Variants in PCSK5 observed in about 807,000 individuals in gnomAD.
PCSK5 encodes the protein prohormone convertase 5.
In PCSK5, 129 loss-of-function variants were observed where a neutral mutation model predicts 233.2. The ratio of observed to expected loss-of-function variants is 0.55; its 90% CI spans 0.48 to 0.64. The LOEUF (loss-of-function observed/expected upper bound fraction) is 0.64. PCSK5 is among the 30% of genes least tolerant of loss of function. The pLI, the probability that PCSK5 is intolerant of heterozygous loss-of-function variation, is 0.00. For missense variants in PCSK5, 2,076 were observed against 2,430.1 expected (o/e 0.85, Z 3.06); for synonymous variants, 825 against 879.2 (o/e 0.94, Z 1.09).
chr9:76,080,967 T>TA (rs1357341752), intron 7 of PCSK5, among the ~76,000 whole-genome samples: 1 of 152,206 alleles, frequency 6.6e-6, no homozygotes, highest in Non-Finnish European at 1.5e-5. Flanking sequence ...AAGGTCATTA[T>TA]ATAATCTTGA....
At chr9:76,018,603 C>T (rs1828052129) in intron 3 of PCSK5, among the ~76,000 whole-genome samples, 1 of 152,158 alleles carries the variant, frequency 6.6e-6, no homozygotes, top group Non-Finnish European at 1.5e-5. Context: ...GAAAAATTGT[C>T]TTCCACAAAA....
chr9:75,990,014 G>C (rs1054631077), intron 3 of PCSK5, among the ~76,000 whole-genome samples: 4 of 152,150 alleles, frequency 2.6e-5, no homozygotes, highest in Non-Finnish European at 4.4e-5. Flanking sequence ...CATAATTGTT[G>C]TTATTCTCTG....
chr9:76,096,190 T>TACAC (rs3074177), intron 8 of PCSK5, 88 bp downstream of exon 8: 69,583 of 588,348 alleles, frequency 0.12, 2,297 homozygotes, highest in East Asian at 0.33. Context: ...TATATATATA[T>TACAC]ACACACACAC....
At chr9:76,184,789 C>A in intron 17 of PCSK5, 32 bp downstream of exon 17, 2 of 1,256,866 alleles carry the variant, frequency 1.6e-6, no homozygotes, top group Non-Finnish European at 2.3e-6. Context: ...TCAAGTAACA[C>A]AGCCCAAAGA....
chr9:76,045,967 T>C (rs1281235242), intron 5 of PCSK5, among the ~76,000 whole-genome samples: 1 of 152,140 alleles, frequency 6.6e-6, no homozygotes, highest in Non-Finnish European at 1.5e-5. Context: ...TTATTGTTCA[T>C]AACTACTACA....
At chr9:76,055,380 CTA>C (rs1411067913) in intron 5 of PCSK5, among the ~76,000 whole-genome samples, 5 of 152,046 alleles carry the variant, frequency 3.3e-5, no homozygotes, top group Non-Finnish European at 5.9e-5. Context: ...CACAAATAGA[CTA>C]TATGATTTCT....
chr9:75,948,318 A>ACC (rs1824677830), intron 2 of PCSK5, among the ~76,000 whole-genome samples: 1 of 26,248 alleles, frequency 3.8e-5, no homozygotes, highest in Non-Finnish European at 8.0e-5. Context: ...TCGCCCCCCC[A>ACC]CCCCCCGAAA....
chr9:76,278,683 G>GTCTA (rs56801047), intron 24 of PCSK5, among the ~76,000 whole-genome samples: 8 of 151,768 alleles, frequency 5.3e-5, no homozygotes, highest in Admixed American at 2.0e-4. Flanking sequence ...ATCTCTATCT[G>GTCTA]TCTATCTATC....
chr9:76,081,112 A>T (rs1221285218), intron 7 of PCSK5, among the ~76,000 whole-genome samples: 1 of 152,172 alleles, frequency 6.6e-6, no homozygotes, highest in Non-Finnish European at 1.5e-5. Flanking sequence ...TTTATTGTCA[A>T]GTATACTTAA....
At chr9:76,297,921 A>G (rs1254803870) in intron 27 of PCSK5, among the ~76,000 whole-genome samples, 1 of 152,104 alleles carries the variant, frequency 6.6e-6, no homozygotes, top group Non-Finnish European at 1.5e-5. Context: ...GAGACCGTGG[A>G]AAGCCCAGCA....
At chr9:76,179,275 G>GT (rs1430385003) in intron 14 of PCSK5, among the ~76,000 whole-genome samples, 1 of 151,938 alleles carries the variant, frequency 6.6e-6, no homozygotes, top group South Asian at 2.1e-4. Flanking sequence ...ATTGCAGTTG[G>GT]TTTTTTTCCA....
rs59248860 is a variant in PCSK5 at position 76,173,496 on chromosome 9, C to CTTTTTTTTTTTTTT, written c.1757-1467_1757-1454dup. 1.4e-3 allele frequency among the ~76,000 whole-genome samples: 88 copies of CTTTTTTTTTTTTTT among 60,990 alleles called. 11 individuals carry two copies. The highest frequency in any genetic ancestry group is 1.9e-3 in the East Asian group (4 of 2,130). 40.0% of individuals were successfully genotyped at this position (60,990 alleles called of 152,430 possible). A position where few individuals can be genotyped will look rare whatever the true frequency, so the allele number is the denominator to read the frequency against. ...CTTTAATGAAATGGAGGCACGTTTC[C>CTTTTTTTTTTTTTT]TTTTTTTTTTTTTTTTTTTTTTTTT... On this transcript the variant is annotated intron_variant, in intron 13 of 37. Transcript: ENST00000674117.
chr9:76,136,250 C>T (rs1717619842), intron 10 of PCSK5, among the ~76,000 whole-genome samples: 1 of 151,864 alleles, frequency 6.6e-6, no homozygotes, highest in African/African-American at 2.4e-5. Flanking sequence ...TTATTCTCTA[C>T]TCTAAACGTT....
intron 8 of PCSK5, among the ~76,000 whole-genome samples, chr9:76,105,927 A>G (rs1831960771): frequency 6.6e-6 from 1 of 152,252 alleles, no homozygotes; most frequent in African/African-American, 2.4e-5. Flanking sequence ...ATGAGAGGTC[A>G]TAAAAGAGTC....
At chr9:76,292,102 T>C in intron 24 of PCSK5, 131 bp from the exon 25 acceptor site, 2 of 629,524 alleles carry the variant, frequency 3.2e-6, no homozygotes, top group Non-Finnish European at 5.6e-6. Context: ...TGTTCAAATA[T>C]TATTTCTGGA....
chr9:75,891,907 C>G (rs1035065695), intron 1 of PCSK5, among the ~76,000 whole-genome samples: 19 of 150,916 alleles, frequency 1.3e-4, no homozygotes, highest in African/African-American at 4.6e-4. Context: ...GGCGCGGGGA[C>G]TGGAGCTGGA....
At chr9:76,277,951 G>A (rs1482155021) in intron 24 of PCSK5, among the ~76,000 whole-genome samples, 1 of 152,188 alleles carries the variant, frequency 6.6e-6, no homozygotes, top group Non-Finnish European at 1.5e-5. Context: ...GCGTTGCTCA[G>A]TAAGTAAGTA....
chr9:76,137,644 T>C lies in PCSK5; in HGVS notation c.1312+3432T>C, dbSNP rs527484559. ...CAACAGCTTTTGACTTTAAACCTCC[T>C]CCAGAGATAGTTTTTTTAATTAAAT... On this transcript the variant is annotated intron_variant, in intron 10 of 37. Coordinates refer to ENST00000674117, the MANE Select transcript of PCSK5 (RefSeq NM_001372043.1). 1.2e-4 allele frequency among the ~76,000 whole-genome samples: 18 copies of C among 152,172 alleles called. No individual in the cohort carries two copies. The South Asian group carries it at 3.3e-3, about 28-fold the overall frequency.
At chr9:75,914,848 C>T (rs1822913462) in intron 1 of PCSK5, among the ~76,000 whole-genome samples, 1 of 152,068 alleles carries the variant, frequency 6.6e-6, no homozygotes, top group Non-Finnish European at 1.5e-5. Context: ...GGCATATAAG[C>T]AAATAATTCA....
Sources: allele counts gnomAD v4.1 joint callset (sites outside exome capture counted in the v4.1 genomes callset), GRCh38; gene constraint gnomAD v4.1.1; transcripts MANE v1.5; gene names NCBI Gene and HGNC (gene_info 2026-07-23, HGNC 2026-07-21).